The following DAGLA variants were observed in gnomAD, a reference collection of about 807,000 sequenced individuals.
The protein encoded by DAGLA is diacylglycerol lipase alpha.
In DAGLA, 22 loss-of-function variants were observed where a neutral mutation model predicts 102.6. The observed-to-expected ratio is 0.21, with a 90% confidence interval of 0.15 to 0.31. The LOEUF (loss-of-function observed/expected upper bound fraction) is 0.31, where lower values mean the gene tolerates loss of function less well. DAGLA is among the 10% of genes least tolerant of loss of function. The pLI is 1.00. For missense variants in DAGLA, 927 were observed against 1,446.6 expected (o/e 0.64, Z 5.83); for synonymous variants, 578 against 628.9 (o/e 0.92, Z 1.21).
chr11:61,741,257 C>T lies in DAGLA; in HGVS notation c.2079C>T (p.Ile693=), dbSNP rs2065476149. 3.1e-6 allele frequency: 5 copies of T among 1,613,316 alleles called. No homozygotes were observed. The highest frequency in any genetic ancestry group is 4.2e-6 in the Non-Finnish European group (5 of 1,180,022). The change falls in exon 19 of 20, where the codon ATC becomes ATT. Residue 693 remains isoleucine (I), a synonymous_variant. Coordinates refer to ENST00000257215, the MANE Select transcript of DAGLA (RefSeq NM_006133.3). ...PTEVDLTPEL[I]FQQQPLPTGP... The stretch of plus-strand genomic sequence containing the variant: ...AGGTGGACCTGACTCCTGAGCTCAT[C>T]TTCCAGCAGCAGCCACTCCCCACGG...
intron 1 of DAGLA, among the ~76,000 whole-genome samples, chr11:61,711,947 T>C (rs751541671): frequency 4.6e-5 from 7 of 152,164 alleles, no homozygotes; most frequent in Non-Finnish European, 1.0e-4. Flanking sequence ...TTAAAGGAGG[T>C]AATTTTTGTG....
intron 1 of DAGLA, among the ~76,000 whole-genome samples, chr11:61,689,564 G>A (rs1203222102): frequency 1.0e-5 from 1 of 96,570 alleles, no homozygotes; most frequent in Non-Finnish European, 2.5e-5. Flanking sequence ...GAGTGCAGTG[G>A]TGTGATCTGG....
At chr11:61,681,307 A>T in intron 1 of DAGLA, among the ~76,000 whole-genome samples, 1 of 152,288 alleles carries the variant, frequency 6.6e-6, no homozygotes, top group African/African-American at 2.4e-5. Context: ...AGCTTCTACC[A>T]CAAGGGCCCT....
At chr11:61,690,038 G>T (rs937812071) in intron 1 of DAGLA, among the ~76,000 whole-genome samples, 5 of 152,090 alleles carry the variant, frequency 3.3e-5, no homozygotes, top group African/African-American at 1.2e-4. Flanking sequence ...CAGCCCACCG[G>T]GTCTGCAGAG....
chr11:61,699,131 T>C lies in DAGLA; in HGVS notation c.-45+18627T>C, dbSNP rs546773697. On this transcript the variant is annotated intron_variant, in intron 1 of 19. Transcript: ENST00000257215. ...AAGCTGAAGCCCTGGATGGGAGCCA[T>C]TGGGGGAACAGGCCTTTCTCAGTTG... Among the ~76,000 whole-genome samples, 319 of 152,100 alleles carry C rather than the reference T, an allele frequency of 2.1e-3. 6 individuals carry two copies. The South Asian group carries it at 0.03, about 14-fold the overall frequency.
intron 4 of DAGLA, 86 bp downstream of exon 4, chr11:61,723,046 A>G: frequency 8.7e-7 from 1 of 1,154,916 alleles, no homozygotes; most frequent in Non-Finnish European, 1.3e-6. Flanking sequence ...AAGCTTGGGC[A>G]TTGCCAGAGG....
At position 61,740,450 on chromosome 11, in the gene DAGLA, A is replaced by G. The variant is rs576033907; in HGVS notation, c.1854-13A>G. On this transcript the variant is annotated splice_polypyrimidine_tract_variant and intron_variant, in intron 17 of 19. Coordinates refer to ENST00000257215, the MANE Select transcript of DAGLA (RefSeq NM_006133.3). Reference sequence around the variant, plus strand: ...CCCCACCCTTAACTCCCCTCTGTCCATGTCCCTCTCAGCTGCTGTGAGCAG... The same window carrying G: ...CCCCACCCTTAACTCCCCTCTGTCCGTGTCCCTCTCAGCTGCTGTGAGCAG... 46 of 1,612,874 alleles carry G rather than the reference A, an allele frequency of 2.9e-5. 1 individual carries two copies. The South Asian group carries it at 3.0e-4, about 10-fold the overall frequency.
At chr11:61,709,586 A>G (rs1195636636) in intron 1 of DAGLA, among the ~76,000 whole-genome samples, 3 of 152,096 alleles carry the variant, frequency 2.0e-5, no homozygotes, top group Admixed American at 2.0e-4. Context: ...CTGGAAACCC[A>G]CTGAAGAGCA....
At position 61,744,473 on chromosome 11, in the gene DAGLA, T is replaced by C. The variant is rs770154384; in HGVS notation, c.3113T>C (p.Val1038Ala). 6.3e-7 allele frequency: 1 copy of C among 1,576,722 alleles called. No individual in the cohort carries two copies. The highest frequency in any genetic ancestry group is 8.6e-7 in the Non-Finnish European group (1 of 1,157,996). The stretch of plus-strand genomic sequence containing the variant: ...AGCCCCGCCAAGCAAGATGAGCTGG[T>C]CATCTCAGCACGCTAGCACCCCAGT... Reference protein sequence around the residue: ...GASPAKQDELVISAR With the variant: ...GASPAKQDELAISAR The change falls in exon 20 of 20, where the codon GTC (valine) becomes GCC (alanine). Residue 1038 changes from valine (V) to alanine (A), a missense_variant. Coordinates refer to ENST00000257215, the MANE Select transcript of DAGLA (RefSeq NM_006133.3).
At chr11:61,736,142 A>C in intron 12 of DAGLA, 128 bp from the exon 13 acceptor site, 1 of 743,752 alleles carries the variant, frequency 1.3e-6, no homozygotes, top group Non-Finnish European at 2.3e-6. Flanking sequence ...CAGCCCCCAC[A>C]GCTGGGTTGT....
At chr11:61,700,049 G>T (rs1470513744) in intron 1 of DAGLA, among the ~76,000 whole-genome samples, 4 of 152,190 alleles carry the variant, frequency 2.6e-5, no homozygotes, top group Non-Finnish European at 4.4e-5. Flanking sequence ...GCAGTGCCCG[G>T]CCTCGCCCGC....
intron 18 of DAGLA, 85 bp from the exon 19 acceptor site, chr11:61,741,077 A>G: frequency 7.5e-7 from 1 of 1,341,382 alleles, no homozygotes; most frequent in Non-Finnish European, 1.0e-6. Flanking sequence ...TTGGCCTGAG[A>G]GGCCTGGGCC....
chr11:61,724,974 C>T (rs1213384685), intron 5 of DAGLA, among the ~76,000 whole-genome samples: 1 of 152,088 alleles, frequency 6.6e-6, no homozygotes, highest in Non-Finnish European at 1.5e-5. Flanking sequence ...CTTATGAAGC[C>T]AGGGTTGGAG....
In DAGLA at chr11:61,720,885, G is replaced by A. The variant is rs762563063; in HGVS notation, c.302G>A (p.Arg101His). The change falls in exon 3 of 20, where the codon CGC becomes CAC. Residue 101 changes from arginine to histidine, a missense_variant. Transcript: ENST00000257215. ...RDSMQYVLYVRLAILVIEFIY... is the reference protein window; with the variant it reads ...RDSMQYVLYVHLAILVIEFIY... ...TCCATGCAGTACGTGCTCTACGTGCGCCTGGGTAAGGGCCACCCACCCTGG... is the reference window on the plus strand; with the variant it reads ...TCCATGCAGTACGTGCTCTACGTGCACCTGGGTAAGGGCCACCCACCCTGG... 2 of 1,611,320 alleles carry A rather than the reference G, an allele frequency of 1.2e-6. No homozygotes were observed. Among genetic ancestry groups the A allele is most frequent in the Non-Finnish European group, 1.7e-6 (2 of 1,178,864 alleles).
chr11:61,707,265 C>G (rs1191288665), intron 1 of DAGLA, among the ~76,000 whole-genome samples: 1 of 152,256 alleles, frequency 6.6e-6, no homozygotes, highest in Non-Finnish European at 1.5e-5. Flanking sequence ...CGTGACAAGG[C>G]TGGGCGAGTC....
chr11:61,697,160 A>G (rs1388003101), intron 1 of DAGLA, among the ~76,000 whole-genome samples: 3 of 152,166 alleles, frequency 2.0e-5, no homozygotes, highest in Admixed American at 1.3e-4. Flanking sequence ...CCCCAGTGCC[A>G]TGGACAGCTC....
chr11:61,730,465 C>T (rs781748478), intron 8 of DAGLA, among the ~76,000 whole-genome samples: 5 of 152,130 alleles, frequency 3.3e-5, no homozygotes, highest in Non-Finnish European at 5.9e-5. Context: ...TCCACCCCTC[C>T]GGGCCCTGAT....
Position 61,741,081 on chromosome 11 carries a change from C to T in DAGLA, c.1984-81C>T. The T allele has an allele frequency of 3.6e-6, 5 of 1,387,274 alleles. No individual in the cohort carries two copies. The South Asian group carries it at 5.4e-5, about 15-fold the overall frequency. The allele number at this position is 1,387,274 out of a possible 1,614,324, so 85.9% of individuals were successfully genotyped here. A position where few individuals can be genotyped will look rare whatever the true frequency, so the allele number is the denominator to read the frequency against. ...TGAGGCTTTGCTTGGCCTGAGAGGC[C>T]TGGGCCCTGGCTCCACATCGGCCCC... On this transcript the variant is annotated intron_variant, in intron 18 of 19. Coordinates refer to ENST00000257215, the MANE Select transcript of DAGLA (RefSeq NM_006133.3).
intron 1 of DAGLA, among the ~76,000 whole-genome samples, chr11:61,709,189 C>G (rs1591034490): frequency 6.6e-6 from 1 of 152,198 alleles, no homozygotes; most frequent in Non-Finnish European, 1.5e-5. Flanking sequence ...AGAGCATATC[C>G]TGCTTAGTGG....
Sources: gnomAD v4.1 joint callset for allele counts (sites outside exome capture counted in the v4.1 genomes callset) on GRCh38, gnomAD v4.1.1 for gene constraint, MANE v1.5 for transcripts, NCBI Gene and HGNC (gene_info 2026-07-23, HGNC 2026-07-21) for gene names.